CD226: variants seen among roughly 807,000 people sequenced by gnomAD.
CD226 encodes CD226 molecule, also known as CD226 antigen.
Under a neutral mutation model 34.9 loss-of-function variants are expected in CD226, and 24 were observed. The ratio of observed to expected loss-of-function variants is 0.69; its 90% CI spans 0.50 to 0.97. CD226 has a LOEUF of 0.97. CD226 is among the 50% of genes least tolerant of loss of function. CD226 has a pLI of 0.00. For synonymous variants in CD226, 148 were observed against 147.4 expected, an observed-to-expected ratio of 1.00 and a Z score of -0.03; for missense variants, 397 against 412.7, an observed-to-expected ratio of 0.96 and a Z score of 0.33.
At chr18:69,898,428 T>C (rs916694732) in intron 2 of CD226, among the ~76,000 whole-genome samples, 1 of 152,034 alleles carries the variant, frequency 6.6e-6, no homozygotes, top group Non-Finnish European at 1.5e-5. Flanking sequence ...CCGACTCAGG[T>C]AGAAACAGGG....
At chr18:69,921,258 C>T (rs1344669203) in intron 2 of CD226, among the ~76,000 whole-genome samples, 1 of 152,098 alleles carries the variant, frequency 6.6e-6, no homozygotes, top group Non-Finnish European at 1.5e-5. Flanking sequence ...TAATCACCAC[C>T]ACTCCAGGCC....
At chr18:69,892,452 T>C (rs577477036) in intron 3 of CD226, among the ~76,000 whole-genome samples, 11 of 152,216 alleles carry the variant, frequency 7.2e-5, no homozygotes, top group Non-Finnish European at 1.3e-4. Flanking sequence ...CCGTCCCCAC[T>C]TTCCTTGCCC....
chr18:69,900,500 A>G (rs2055162423), intron 2 of CD226, among the ~76,000 whole-genome samples: 1 of 152,078 alleles, frequency 6.6e-6, no homozygotes, highest in Non-Finnish European at 1.5e-5. Context: ...TGCGAGGCCG[A>G]GGCGGGCGGA....
In CD226 at chr18:69,860,111, A is replaced by T. The variant is rs999388468; in HGVS notation, c.*4203T>A. On this transcript the variant is annotated 3_prime_UTR_variant, in exon 6 of 6. Coordinates refer to ENST00000582621, the MANE Select transcript of CD226 (RefSeq NM_001303618.2). The stretch of plus-strand genomic sequence containing the variant: ...TAAAATAAAATACAAAGAACATTGC[A>T]TTGAGATAAAAATTACAATGTATCA... 6.6e-6 allele frequency: 1 copy of T among 152,208 alleles called. No individual in the cohort carries two copies. Among genetic ancestry groups the T allele is most frequent in the Admixed American group, 6.5e-5 (1 of 15,286 alleles). The allele number at this position is 152,208 out of a possible 1,614,324, so 9.4% of individuals were successfully genotyped here. A position where few individuals can be genotyped will look rare whatever the true frequency, so the allele number is the denominator to read the frequency against.
upstream of CD226, among the ~76,000 whole-genome samples, chr18:69,958,788 AACACACACACACACAC>A (rs59835947): frequency 1.3e-4 from 19 of 143,706 alleles, no homozygotes; most frequent in African/African-American, 3.4e-4. Context: ...TTCACAGGCA[AACACACACACACACAC>A]ACACACACAC....
chr18:69,930,506 T>G (rs890255552), intron 2 of CD226, among the ~76,000 whole-genome samples: 5 of 121,130 alleles, frequency 4.1e-5, no homozygotes, highest in Non-Finnish European at 9.0e-5. Flanking sequence ...ACTTCTGCCC[T>G]GAGCACACCT....
intron 2 of CD226, among the ~76,000 whole-genome samples, chr18:69,911,617 TGGAA>T (rs2055326164): frequency 6.6e-6 from 1 of 152,180 alleles, no homozygotes; most frequent in African/African-American, 2.4e-5. Flanking sequence ...CATATAAGTT[TGGAA>T]TAATACCCAA....
chr18:69,949,479 C>T (rs775483033), upstream of CD226, among the ~76,000 whole-genome samples: 28 of 152,112 alleles, frequency 1.8e-4, no homozygotes, highest in Non-Finnish European at 2.9e-4. Flanking sequence ...CTACAAATGC[C>T]GGGCTAAACC....
intron 2 of CD226, among the ~76,000 whole-genome samples, chr18:69,912,641 A>G (rs1175335948): frequency 1.3e-5 from 2 of 152,252 alleles, no homozygotes; most frequent in African/African-American, 4.8e-5. Flanking sequence ...TTTATTAAGA[A>G]AGATGATAAT....
chr18:69,874,488 C>A (rs1983743842), intron 3 of CD226, among the ~76,000 whole-genome samples: 1 of 152,154 alleles, frequency 6.6e-6, no homozygotes, highest in African/African-American at 2.4e-5. Context: ...CTGTCAATCA[C>A]CCCACCATTA....
At chr18:69,957,048 TTTACC>T (rs2055903984), upstream of CD226, 1 of 152,206 alleles carries the variant, frequency 6.6e-6, no homozygotes, top group Admixed American at 6.5e-5. Flanking sequence ...TGAAGTCAAG[TTTACC>T]TGCTTCTGGA....
At chr18:69,883,706 A>G (rs1984398174) in intron 3 of CD226, among the ~76,000 whole-genome samples, 1 of 152,264 alleles carries the variant, frequency 6.6e-6, no homozygotes, top group Non-Finnish European at 1.5e-5. Flanking sequence ...AATAAGGCCT[A>G]TTGTATATGC....
chr18:69,864,538 G>A (rs1983018191), intron 5 of CD226, 99 bp from the exon 6 acceptor site: 2 of 1,135,528 alleles, frequency 1.8e-6, no homozygotes, highest in Non-Finnish European at 2.5e-6. Flanking sequence ...GGCATGATAT[G>A]GGACAAGTTT....
At chr18:69,946,021 A>T (rs2055784979) in intron 2 of CD226, among the ~76,000 whole-genome samples, 1 of 151,732 alleles carries the variant, frequency 6.6e-6, no homozygotes, top group Admixed American at 6.6e-5. Flanking sequence ...CTCCCACAAC[A>T]CATGGGAATT....
At position 69,855,333 on chromosome 18, in the gene CD226, A is replaced by T. The variant is rs1051125682; in HGVS notation, c.*8981T>A. 3 of 152,202 alleles carry T rather than the reference A, an allele frequency of 2.0e-5. No homozygotes were observed. The highest frequency in any genetic ancestry group is 7.2e-5 in the African/African-American group (3 of 41,456). 9.4% of individuals were successfully genotyped at this position (152,202 alleles called of 1,614,324 possible). ...AAACACTAAGAAGGAATAAAAAAGA[A>T]ATGGTAGCAATAAAAAACATAGTAA... On this transcript the variant is annotated 3_prime_UTR_variant, in exon 6 of 6. Transcript: ENST00000582621.
Position 69,872,057 on chromosome 18 carries a change from G to GGGGTGTGTGTGT in CD226, c.830+1086_830+1087insACACACACACCC, listed in dbSNP as rs1555677203. 2.0e-3 allele frequency among the ~76,000 whole-genome samples: 292 copies of GGGGTGTGTGTGT among 143,530 alleles called. 11 individuals carry two copies. The highest frequency in any genetic ancestry group is 5.3e-4 in the Non-Finnish European group (35 of 65,660). The allele number at this position is 143,530 out of a possible 152,430, so 94.2% of individuals were successfully genotyped here. A position where few individuals can be genotyped will look rare whatever the true frequency, so the allele number is the denominator to read the frequency against. On this transcript the variant is annotated intron_variant, in intron 4 of 5. Transcript: ENST00000582621. ...GACACTGGAAATCCTATTAACAAGG[G>GGGGTGTGTGTGT]GTGTGTGTGTGTGTGTGTGTGTGTG...
At chr18:69,879,932 A>G (rs914430903) in intron 3 of CD226, among the ~76,000 whole-genome samples, 1 of 152,242 alleles carries the variant, frequency 6.6e-6, no homozygotes, top group African/African-American at 2.4e-5. Flanking sequence ...AGCTGGGTTT[A>G]TACGGAATTG....
At chr18:69,884,926 G>A (rs1984473680) in intron 3 of CD226, among the ~76,000 whole-genome samples, 1 of 152,220 alleles carries the variant, frequency 6.6e-6, no homozygotes, top group Non-Finnish European at 1.5e-5. Flanking sequence ...GGTTGCCTGT[G>A]ACATGCATTA....
intron 2 of CD226, among the ~76,000 whole-genome samples, chr18:69,945,398 T>C (rs1337691643): frequency 6.6e-6 from 1 of 152,164 alleles, no homozygotes; most frequent in Admixed American, 6.5e-5. Context: ...GTGTTTCCAA[T>C]ATACTACAAC....
Sources: gnomAD v4.1 joint callset for allele counts (sites outside exome capture counted in the v4.1 genomes callset) on GRCh38, gnomAD v4.1.1 for gene constraint, MANE v1.5 for transcripts, NCBI Gene and HGNC (gene_info 2026-07-23, HGNC 2026-07-21) for gene names.